The following ITPKB variants were observed in gnomAD, a reference collection of about 807,000 sequenced individuals.
The protein encoded by ITPKB is inositol-trisphosphate 3-kinase B, also known as IP3 3-kinase B.
Under a neutral mutation model 69.4 loss-of-function variants are expected in ITPKB, and 13 were observed. The ratio of observed to expected loss-of-function variants is 0.19; its 90% CI spans 0.12 to 0.30. The LOEUF is 0.30. ITPKB is among the 10% of genes least tolerant of loss of function. The pLI is 1.00. For synonymous variants in ITPKB, 584 were observed against 513.7 expected, an observed-to-expected ratio of 1.14 and a Z score of -1.85; for missense variants, 1,240 against 1,250.5, an observed-to-expected ratio of 0.99 and a Z score of 0.13.
At position 226,637,623 on chromosome 1, in the gene ITPKB, A is replaced by G. The variant is rs1668865028; in HGVS notation, c.2625+56T>C. On this transcript the variant is annotated intron_variant, in intron 7 of 7. Transcript: ENST00000429204. This position sits in a 1 kb window ranked among gnomAD's most constrained non-coding sequence, Gnocchi z 4.3. ...CCCGGGCTTCTGGAAGGAGAAGGAG[A>G]AGGCCTGTTGGCACGCGCAGCATTC... is the stretch of plus-strand genomic sequence containing the variant. 7.3e-7 allele frequency: 1 copy of G among 1,375,330 alleles called. No individual in the cohort carries two copies. Among genetic ancestry groups the G allele is most frequent in the South Asian group, 1.2e-5 (1 of 84,830 alleles). 85.2% of individuals were successfully genotyped at this position (1,375,330 alleles called of 1,614,324 possible).
intron 2 of ITPKB, among the ~76,000 whole-genome samples, chr1:226,695,645 TGTGG>T (rs1443930529): frequency 3.3e-5 from 5 of 152,210 alleles, no homozygotes; most frequent in Admixed American, 6.5e-5. Flanking sequence ...TGACACTACC[TGTGG>T]GGCCTCCCCC....
chr1:226,670,149 C>T (rs1179394985), intron 2 of ITPKB, among the ~76,000 whole-genome samples: 1 of 117,670 alleles, frequency 8.5e-6, no homozygotes, highest in South Asian at 2.6e-4. Context: ...GCTGGGATTA[C>T]AGGCGTGAGC....
chr1:226,648,757 C>T lies in ITPKB; in HGVS notation c.1947G>A (p.Arg649=), dbSNP rs761490691. 1.4e-5 allele frequency: 22 copies of T among 1,606,964 alleles called. No homozygotes were observed. The highest frequency in any genetic ancestry group is 2.7e-5 in the African/African-American group (2 of 74,768). ...ACCAGTGCACCATGTTTTTTATCTT[C>T]CTCCATGATTTGCTCTAGAAACAAA... The part of the protein sequence containing the change: ...QQKPRVSKSW[R]KIKNMVHWSP... Residue 649 remains arginine (R), a synonymous_variant, in exon 3 of 8, where the codon AGG becomes AGA. Coordinates refer to ENST00000429204, the MANE Select transcript of ITPKB (RefSeq NM_002221.4).
At chr1:226,650,984 G>A (rs1203749831) in intron 2 of ITPKB, among the ~76,000 whole-genome samples, 4 of 152,192 alleles carry the variant, frequency 2.6e-5, no homozygotes, top group East Asian at 1.9e-4. Flanking sequence ...CAGCTGCAGC[G>A]TGCCAGTTTA....
intron 2 of ITPKB, 120 bp from the exon 3 acceptor site, chr1:226,648,891 G>C (rs889250873): frequency 2.8e-6 from 2 of 716,438 alleles, no homozygotes; most frequent in African/African-American, 1.7e-5. Flanking sequence ...GGCCCTTGAC[G>C]GGCTCTGAGG....
chr1:226,652,484 G>A (rs1214110529), intron 2 of ITPKB, among the ~76,000 whole-genome samples: 1 of 152,224 alleles, frequency 6.6e-6, no homozygotes, highest in African/African-American at 2.4e-5. Context: ...CCCACCCAGA[G>A]GGGTTTATCC....
intron 2 of ITPKB, chr1:226,675,149 A>AG (rs2102769565): frequency 6.6e-6 from 1 of 151,824 alleles, no homozygotes; most frequent in Non-Finnish European, 1.5e-5. Context: ...AAAAAAAAAA[A>AG]AAAGGAACCA....
intron 5 of ITPKB, among the ~76,000 whole-genome samples, chr1:226,640,961 C>A (rs1339882012): frequency 6.6e-6 from 1 of 152,192 alleles, no homozygotes; most frequent in South Asian, 2.1e-4. Context: ...GCTGCCCAAC[C>A]CTGACTCCAG....
At chr1:226,737,919 A>T (rs1178500133) in intron 1 of ITPKB, among the ~76,000 whole-genome samples, 1 of 152,102 alleles carries the variant, frequency 6.6e-6, no homozygotes, top group Non-Finnish European at 1.5e-5. Context: ...GGTCCCTTCA[A>T]ATCCCAATCC....
rs374636230 is a variant in ITPKB, at chr1:226,735,881, C to T, written c.1578G>A (p.Val526=). ...AGLAWTRGTG[V]QSEGTWESQR... ...GGCTTTCCCAAGTCCCCTCTGATTG[C>T]ACCCCTGTGCCACGCGTCCAAGCCA... is the stretch of plus-strand genomic sequence containing the variant. The change falls in exon 2 of 8, where the codon GTG becomes GTA. Residue 526 remains valine, a synonymous_variant. Coordinates refer to ENST00000429204, the MANE Select transcript of ITPKB (RefSeq NM_002221.4). 1.2e-6 allele frequency: 2 copies of T among 1,610,116 alleles called. No homozygotes were observed. The highest frequency in any genetic ancestry group is 1.7e-6 in the Non-Finnish European group (2 of 1,176,918).
intron 2 of ITPKB, among the ~76,000 whole-genome samples, chr1:226,678,018 A>C (rs566261376): frequency 6.6e-6 from 1 of 152,320 alleles, no homozygotes; most frequent in East Asian, 1.9e-4. Flanking sequence ...CATTACTTGA[A>C]TACATTGAAA....
At chr1:226,706,281 C>G (rs890466985) in intron 2 of ITPKB, among the ~76,000 whole-genome samples, 3 of 152,200 alleles carry the variant, frequency 2.0e-5, no homozygotes, top group Non-Finnish European at 4.4e-5. Context: ...AATAAAAATA[C>G]TTGATAGTGA....
chr1:226,710,707 T>G (rs1198031143), intron 2 of ITPKB, among the ~76,000 whole-genome samples: 2 of 152,360 alleles, frequency 1.3e-5, no homozygotes, highest in African/African-American at 4.8e-5. Context: ...TCTCATGCAG[T>G]TGTCCACTTT....
At chr1:226,636,402 C>G (rs969147911) in intron 7 of ITPKB, among the ~76,000 whole-genome samples, 4 of 152,224 alleles carry the variant, frequency 2.6e-5, no homozygotes, top group Non-Finnish European at 4.4e-5. Context: ...TGTGCCACCC[C>G]CTCCTCGCAG....
intron 4 of ITPKB, among the ~76,000 whole-genome samples, chr1:226,644,223 G>A (rs186426599): frequency 9.5e-4 from 144 of 152,360 alleles, no homozygotes; most frequent in African/African-American, 3.2e-3. Context: ...GTCCACAGGG[G>A]GTGCCAGCTG....
At chr1:226,711,742 T>C (rs918982103) in intron 2 of ITPKB, among the ~76,000 whole-genome samples, 2 of 152,164 alleles carry the variant, frequency 1.3e-5, no homozygotes, top group African/African-American at 4.8e-5. Context: ...CCTCTGGAGT[T>C]TGAGCTGAAC....
At chr1:226,635,557 C>T (rs1287199027) in intron 7 of ITPKB, among the ~76,000 whole-genome samples, 1 of 152,128 alleles carries the variant, frequency 6.6e-6, no homozygotes, top group Admixed American at 6.5e-5. Flanking sequence ...GACCACAACC[C>T]AATCTGGGGC....
At chr1:226,722,175 CAG>C (rs1199238791) in intron 2 of ITPKB, among the ~76,000 whole-genome samples, 2 of 152,208 alleles carry the variant, frequency 1.3e-5, no homozygotes, top group African/African-American at 2.4e-5. Flanking sequence ...AAACTACAGT[CAG>C]AGGCCAGGCT....
intron 2 of ITPKB, among the ~76,000 whole-genome samples, chr1:226,702,306 G>A (rs1656687795): frequency 6.6e-6 from 1 of 151,694 alleles, no homozygotes; most frequent in African/African-American, 2.4e-5. Context: ...CTGAGGCAGG[G>A]AGAATTGCTT....
Sources: gnomAD v4.1 joint callset for allele counts (sites outside exome capture counted in the v4.1 genomes callset) on GRCh38, gnomAD v4.1.1 for gene constraint, Gnocchi (gnomAD v3.1) non-coding constraint, MANE v1.5 for transcripts, NCBI Gene and HGNC (gene_info 2026-07-23, HGNC 2026-07-21) for gene names.